ABCD3: variants seen among roughly 807,000 people sequenced by gnomAD.
The protein encoded by ABCD3 is ATP binding cassette subfamily D member 3.
In ABCD3, 41 loss-of-function variants were observed where a neutral mutation model predicts 105.5. That is an observed-to-expected ratio of 0.39 (90% CI 0.30 to 0.50). The LOEUF (loss-of-function observed/expected upper bound fraction) is 0.50, where lower values mean the gene tolerates loss of function less well. Among genes scored for constraint, ABCD3 ranks in the 20% least tolerant of loss-of-function variants. The pLI is 0.84. For missense variants in ABCD3, 622 were observed against 806.3 expected (o/e 0.77, Z 2.77); for synonymous variants, 258 against 269.0 (o/e 0.96, Z 0.40).
At chr1:94,472,998 A>G (rs1418302191) in intron 4 of ABCD3, among the ~76,000 whole-genome samples, 1 of 152,194 alleles carries the variant, frequency 6.6e-6, no homozygotes, top group East Asian at 1.9e-4. Flanking sequence ...CTTTTTAAAA[A>G]TTTTTAATGT....
At chr1:94,427,512 A>T (rs1659511271) in intron 1 of ABCD3, among the ~76,000 whole-genome samples, 1 of 152,172 alleles carries the variant, frequency 6.6e-6, no homozygotes, top group Non-Finnish European at 1.5e-5. Flanking sequence ...TTTTCCTAGG[A>T]TCAACATCAC....
At chr1:94,501,964 A>G (rs1258637362) in intron 20 of ABCD3, among the ~76,000 whole-genome samples, 2 of 151,516 alleles carry the variant, frequency 1.3e-5, no homozygotes, top group African/African-American at 2.4e-5. Context: ...TTTCCTTACA[A>G]TTGTTCAGTC....
At chr1:94,418,384 C>G, upstream of ABCD3, 1 of 1,146,916 alleles carries the variant, frequency 8.7e-7, no homozygotes, top group Admixed American at 2.0e-5. Flanking sequence ...GCCCTCTGCT[C>G]TCCTCCCAGT....
intron 22 of ABCD3, among the ~76,000 whole-genome samples, chr1:94,516,460 A>C (rs1227201900): frequency 6.6e-6 from 1 of 151,962 alleles, no homozygotes; most frequent in African/African-American, 2.4e-5. Flanking sequence ...GGAAGTTCAT[A>C]AGTATTATAG....
In ABCD3 at chr1:94,483,258, G is replaced by A; in HGVS notation, c.897+19G>A. On this transcript the variant is annotated intron_variant, in intron 10 of 22. Transcript: ENST00000370214. ...AAAACTGGTAAGATAACACACTTGAGGTTCATGTGTTTATGGAAAGGGTTT... is the reference window on the plus strand; with the variant it reads ...AAAACTGGTAAGATAACACACTTGAAGTTCATGTGTTTATGGAAAGGGTTT... 1 of 1,595,724 alleles carries A rather than the reference G, an allele frequency of 6.3e-7. No individual in the cohort carries two copies. The highest frequency in any genetic ancestry group is 8.6e-7 in the Non-Finnish European group (1 of 1,163,578).
At chr1:94,513,955 A>G (rs968059917) in intron 21 of ABCD3, 2 of 152,086 alleles carry the variant, frequency 1.3e-5, no homozygotes, top group Admixed American at 6.6e-5. Context: ...CTTATTACAC[A>G]TTAGAAGTTT....
At chr1:94,472,935 CCTTTA>C (rs1246547499) in intron 4 of ABCD3, among the ~76,000 whole-genome samples, 2 of 152,090 alleles carry the variant, frequency 1.3e-5, no homozygotes, top group Non-Finnish European at 2.9e-5. Flanking sequence ...ACTCAAAGAT[CCTTTA>C]CTTATATAAT....
chr1:94,414,145 A>G (rs899940152), upstream of ABCD3, among the ~76,000 whole-genome samples: 2 of 152,162 alleles, frequency 1.3e-5, no homozygotes, highest in Non-Finnish European at 2.9e-5. Context: ...GGCAGAGCTT[A>G]TATCATCACT....
upstream of ABCD3, among the ~76,000 whole-genome samples, chr1:94,415,965 G>T (rs1021886954): frequency 1.3e-5 from 2 of 152,068 alleles, no homozygotes; most frequent in African/African-American, 2.4e-5. Flanking sequence ...TGTCAGATGG[G>T]CTTTATCAAT....
At chr1:94,393,666 A>G in the ABCD3 span, among the ~76,000 whole-genome samples, 1 of 152,004 alleles carries the variant, frequency 6.6e-6, no homozygotes, top group Admixed American at 6.6e-5. Flanking sequence ...AAAAGAAAGA[A>G]AGAAGATTGC....
chr1:94,419,459 C>A, intron 1 of ABCD3: 1 of 600,356 alleles, frequency 1.7e-6, no homozygotes, highest in Non-Finnish European at 2.1e-6. Context: ...TTGCGACATA[C>A]AGGTATGTAT....
intron 1 of ABCD3, among the ~76,000 whole-genome samples, chr1:94,431,397 G>A (rs181759185): frequency 6.6e-6 from 1 of 152,204 alleles, no homozygotes; most frequent in Admixed American, 6.5e-5. Context: ...TGTACCAGAT[G>A]CTGGGTTTTC....
At chr1:94,490,824 A>G (rs1649496139) in intron 15 of ABCD3, among the ~76,000 whole-genome samples, 1 of 151,982 alleles carries the variant, frequency 6.6e-6, no homozygotes, top group Non-Finnish European at 1.5e-5. Context: ...CCTAATTTTA[A>G]TTTTTTGAGG....
intron 1 of ABCD3, among the ~76,000 whole-genome samples, chr1:94,450,316 G>GC (rs200417322): frequency 0.012 from 1,899 of 152,248 alleles, 28 homozygotes; most frequent in African/African-American, 0.034. Context: ...TTGGGAACAG[G>GC]CCCCCCAAAT....
the ABCD3 span, among the ~76,000 whole-genome samples, chr1:94,402,605 T>G: frequency 3.9e-5 from 6 of 152,296 alleles, no homozygotes; most frequent in Non-Finnish European, 8.8e-5. Flanking sequence ...TATTCCAGTT[T>G]TGTTGGTTAT....
chr1:94,453,308 G>A (rs1311351743), intron 1 of ABCD3, among the ~76,000 whole-genome samples: 1 of 151,426 alleles, frequency 6.6e-6, no homozygotes, highest in Non-Finnish European at 1.5e-5. Flanking sequence ...GCTAGGTTTG[G>A]AAAATTATAT....
In ABCD3 at chr1:94,475,596, T is replaced by G; in HGVS notation, c.504-18T>G. The G allele has an allele frequency of 6.2e-7, 1 of 1,607,012 alleles. No homozygotes were observed. Among genetic ancestry groups the G allele is most frequent in the Non-Finnish European group, 8.5e-7 (1 of 1,174,288 alleles). On this transcript the variant is annotated intron_variant, in intron 6 of 22. Coordinates refer to ENST00000370214, the MANE Select transcript of ABCD3 (RefSeq NM_002858.4). ...AAAGTCACTTGTTTTAAAATCACTT[T>G]TCTTCTTGCTATTTTAGAGCTTTCA...
the ABCD3 span, among the ~76,000 whole-genome samples, chr1:94,388,798 A>G: frequency 1.8e-3 from 270 of 152,242 alleles, no homozygotes; most frequent in African/African-American, 6.2e-3. Flanking sequence ...AAGGAGGAGG[A>G]GTGAGAGTCT....
intron 22 of ABCD3, 25 bp downstream of exon 22, chr1:94,515,227 T>C (rs1650865094): frequency 6.4e-7 from 1 of 1,563,716 alleles, no homozygotes; most frequent in East Asian, 2.2e-5. Context: ...CATTGAATGG[T>C]ACAGTGAAAT....
Sources: gnomAD v4.1 joint callset for allele counts (sites outside exome capture counted in the v4.1 genomes callset) on GRCh38, gnomAD v4.1.1 for gene constraint, MANE v1.5 for transcripts, NCBI Gene and HGNC (gene_info 2026-07-23, HGNC 2026-07-21) for gene names.